Variants in ROBO1 observed in about 807,000 individuals in gnomAD.
The protein encoded by ROBO1 is roundabout guidance receptor 1.
A neutral mutation model predicts 195.9 loss-of-function variants in ROBO1; 149 were observed. That is an observed-to-expected ratio of 0.76 (90% CI 0.67 to 0.87). The LOEUF (loss-of-function observed/expected upper bound fraction) is 0.87, where lower values mean the gene tolerates loss of function less well. ROBO1 is among the 40% of genes least tolerant of loss of function. ROBO1 has a pLI of 0.00. For synonymous variants in ROBO1, 816 were observed against 733.2 expected (o/e 1.11, Z -1.82); for missense variants, 1,933 against 2,068.3 (o/e 0.93, Z 1.27).
At chr3:78,633,075 C>A (rs762090736) in intron 24 of ROBO1, among the ~76,000 whole-genome samples, 4 of 152,104 alleles carry the variant, frequency 2.6e-5, no homozygotes, top group Admixed American at 6.6e-5. Context: ...CTGTAAAATG[C>A]AAATGCCATA....
intron 3 of ROBO1, among the ~76,000 whole-genome samples, chr3:79,035,840 C>T (rs987890055): frequency 2.6e-5 from 4 of 151,932 alleles, no homozygotes; most frequent in Non-Finnish European, 5.9e-5. Context: ...TTAAACAACT[C>T]GAAAACTTGT....
chr3:79,110,426 G>A (rs2079864275), intron 3 of ROBO1, among the ~76,000 whole-genome samples: 1 of 151,702 alleles, frequency 6.6e-6, no homozygotes, highest in African/African-American at 2.4e-5. Flanking sequence ...TATTTTAGAG[G>A]CCTAAGTTCT....
At chr3:79,015,590 C>T (rs2077910642) in intron 3 of ROBO1, among the ~76,000 whole-genome samples, 1 of 152,068 alleles carries the variant, frequency 6.6e-6, no homozygotes, top group African/African-American at 2.4e-5. Flanking sequence ...GGCTACCTCT[C>T]CTGCACCCTC....
At position 79,273,252 on chromosome 3, in the gene ROBO1, T is replaced by C. The variant is rs2030732415; in HGVS notation, c.89-147713A>G. Among the ~76,000 whole-genome samples the C allele has an allele frequency of 5.3e-5, 8 of 152,014 alleles. No individual in the cohort carries two copies. In the South Asian group the frequency reaches 1.7e-3, roughly 31 times the overall value. ...TTGTGGTGTGTAAAATACTGATATC[T>C]TCAGTGGAAAGACTAAAGAATGAAC... is the stretch of plus-strand genomic sequence containing the variant. On this transcript the variant is annotated intron_variant, in intron 2 of 30. Coordinates refer to ENST00000464233, the MANE Select transcript of ROBO1 (RefSeq NM_002941.4).
chr3:78,740,470 CT>C (rs2082502160), intron 5 of ROBO1, among the ~76,000 whole-genome samples: 1 of 147,504 alleles, frequency 6.8e-6, no homozygotes. Flanking sequence ...TTCTTTCTTT[CT>C]TTCTTTCTTT....
intron 2 of ROBO1, among the ~76,000 whole-genome samples, chr3:79,542,679 C>A (rs1212063043): frequency 3.3e-5 from 5 of 152,112 alleles, no homozygotes; most frequent in African/African-American, 1.2e-4. Context: ...GTATTATTTG[C>A]ATTTAATGAA....
intron 1 of ROBO1, among the ~76,000 whole-genome samples, chr3:79,676,113 G>A (rs1560091151): frequency 6.6e-6 from 1 of 151,892 alleles, no homozygotes; most frequent in Non-Finnish European, 1.5e-5. Flanking sequence ...CTTGTGACTG[G>A]GGAGGAAAAG....
chr3:79,539,333 ATAAGTT>A (rs66752117), intron 2 of ROBO1, among the ~76,000 whole-genome samples: 6,821 of 152,184 alleles, frequency 0.045, 211 homozygotes, highest in Non-Finnish European at 0.069. Flanking sequence ...TTATTTGAAA[ATAAGTT>A]TAAGTTACAC....
chr3:78,702,261 A>G (rs1321496664), intron 8 of ROBO1, among the ~76,000 whole-genome samples: 2 of 152,202 alleles, frequency 1.3e-5, no homozygotes, highest in Non-Finnish European at 2.9e-5. Context: ...ATTTAAAACC[A>G]TAGCAAGCAA....
intron 3 of ROBO1, among the ~76,000 whole-genome samples, chr3:79,037,749 A>G (rs1223224702): frequency 6.6e-6 from 1 of 152,216 alleles, no homozygotes; most frequent in East Asian, 1.9e-4. Context: ...GTGTGAAGTT[A>G]TTCAAAGTAA....
intron 4 of ROBO1, among the ~76,000 whole-genome samples, chr3:78,911,641 G>C (rs2038247303): frequency 6.6e-6 from 1 of 151,952 alleles, no homozygotes; most frequent in African/African-American, 2.4e-5. Context: ...CCTTTAACCT[G>C]AACTTGCCTT....
At chr3:79,171,392 G>A (rs116359239) in intron 2 of ROBO1, among the ~76,000 whole-genome samples, 2,657 of 126,504 alleles carry the variant, frequency 0.021, 49 homozygotes, top group Middle Eastern at 0.037. Flanking sequence ...CATGGTGCAA[G>A]TATATATGCC....
chr3:79,718,437 G>C (rs1702573949), intron 1 of ROBO1, among the ~76,000 whole-genome samples: 1 of 151,726 alleles, frequency 6.6e-6, no homozygotes, highest in Non-Finnish European at 1.5e-5. Context: ...ATTGTGCCAG[G>C]GGATAAATAA....
intron 2 of ROBO1, among the ~76,000 whole-genome samples, chr3:79,444,300 T>G (rs2039161705): frequency 6.6e-6 from 1 of 151,934 alleles, no homozygotes; most frequent in South Asian, 2.1e-4. Flanking sequence ...ACAAAATGGG[T>G]TTTTTGAATG....
intron 1 of ROBO1, among the ~76,000 whole-genome samples, chr3:79,634,918 G>T (rs753659485): frequency 2.0e-5 from 3 of 152,134 alleles, no homozygotes; most frequent in African/African-American, 7.2e-5. Flanking sequence ...AATTACAAGA[G>T]AAAATAATGA....
At chr3:79,623,068 A>T (rs1945058623) in intron 1 of ROBO1, among the ~76,000 whole-genome samples, 1 of 152,202 alleles carries the variant, frequency 6.6e-6, no homozygotes, top group Non-Finnish European at 1.5e-5. Flanking sequence ...AATCTGCAGC[A>T]GCCCTGCAGA....
intron 4 of ROBO1, among the ~76,000 whole-genome samples, chr3:78,830,689 G>A (rs1158347996): frequency 3.9e-5 from 6 of 152,080 alleles, no homozygotes; most frequent in African/African-American, 7.2e-5. Context: ...TCCCTCCCAC[G>A]ACATGTGGGG....
At chr3:79,704,134 T>C (rs1947698808) in intron 1 of ROBO1, among the ~76,000 whole-genome samples, 1 of 151,966 alleles carries the variant, frequency 6.6e-6, no homozygotes, top group Non-Finnish European at 1.5e-5. Flanking sequence ...CTATACCCAC[T>C]GTACACAGGC....
At chr3:78,805,939 A>C (rs1442370212) in intron 4 of ROBO1, among the ~76,000 whole-genome samples, 1 of 152,022 alleles carries the variant, frequency 6.6e-6, no homozygotes, top group African/African-American at 2.4e-5. Flanking sequence ...AGACTTCAAA[A>C]AACTTTTAAT....
Sources: allele counts gnomAD v4.1 joint callset (sites outside exome capture counted in the v4.1 genomes callset), GRCh38; gene constraint gnomAD v4.1.1; transcripts MANE v1.5; gene names NCBI Gene and HGNC (gene_info 2026-07-23, HGNC 2026-07-21).